The following ATRIP variants were observed in gnomAD, a reference collection of about 807,000 sequenced individuals.
The protein encoded by ATRIP is ATR interacting protein.
A neutral mutation model predicts 78.1 loss-of-function variants in ATRIP; 44 were observed. The observed-to-expected ratio is 0.56, with a 90% CI of 0.44 to 0.72. The LOEUF is 0.72. ATRIP is among the 30% of genes least tolerant of loss of function. The pLI, the probability that ATRIP is intolerant of heterozygous loss-of-function variation, is 0.00. For synonymous variants in ATRIP, 388 were observed against 408.9 expected (o/e 0.95, Z 0.62); for missense variants, 927 against 980.2 (o/e 0.95, Z 0.72).
Position 48,446,876 on chromosome 3 carries a change from A to C in ATRIP, c.31A>C (p.Arg11=). Residue 11 remains arginine (R), a synonymous_variant, in exon 1 of 13, where the codon AGG becomes CGG. Coordinates refer to ENST00000320211, the MANE Select transcript of ATRIP (RefSeq NM_130384.3). ...GGGGACCTCCGCGCCAGGCAGCAAG[A>C]GGCGGAGCGAGCCCCCGGCGCCTCG... MAGTSAPGSK[R]RSEPPAPRPG... 1.4e-6 allele frequency: 2 copies of C among 1,399,960 alleles called. No homozygotes were observed. The highest frequency in any genetic ancestry group is 9.3e-7 in the Non-Finnish European group (1 of 1,079,618). 86.7% of individuals were successfully genotyped at this position (1,399,960 alleles called of 1,614,324 possible).
intron 4 of ATRIP, among the ~76,000 whole-genome samples, chr3:48,455,080 C>G (rs1001736841): frequency 6.6e-6 from 1 of 152,162 alleles, no homozygotes. Context: ...CCAGGCTCGT[C>G]TCAAACTCCT....
chr3:48,465,950 A>G lies in ATRIP; in HGVS notation c.*396A>G, dbSNP rs1003727618. 1 of 287,124 alleles carries G rather than the reference A, an allele frequency of 3.5e-6. No homozygotes were observed. Among genetic ancestry groups the G allele is most frequent in the Non-Finnish European group, 6.8e-6 (1 of 146,296 alleles). The allele number at this position is 287,124 out of a possible 1,614,324, so 17.8% of individuals were successfully genotyped here. ...ACTGGGACCCACAGGTGGGCATGAAAGGGCCGCAGCAGGGGCTCCCAGCAG... is the reference window on the plus strand; with the variant it reads ...ACTGGGACCCACAGGTGGGCATGAAGGGGCCGCAGCAGGGGCTCCCAGCAG... On this transcript the variant is annotated 3_prime_UTR_variant, in exon 13 of 13. Coordinates refer to ENST00000320211, the MANE Select transcript of ATRIP (RefSeq NM_130384.3).
chr3:48,447,388 C>T, intron 1 of ATRIP: 1 of 1,078,310 alleles, frequency 9.3e-7, no homozygotes, highest in Non-Finnish European at 1.1e-6. Context: ...CCTTGGAACA[C>T]ACCTACCACC....
chr3:48,448,525 C>G (rs1490356000), intron 1 of ATRIP, among the ~76,000 whole-genome samples: 1 of 152,240 alleles, frequency 6.6e-6, no homozygotes, highest in East Asian at 1.9e-4. Flanking sequence ...CTTATTTCTT[C>G]TAGTGTGAAG....
At position 48,464,073 on chromosome 3, in the gene ATRIP, A is replaced by C; in HGVS notation, c.1915A>C (p.Ile639Leu). ...CCTCCTGCTGCTGCTGTACATGTAC[A>C]TCACATCACGGCCTGACAGAGTGGC... is the stretch of plus-strand genomic sequence containing the variant. ...GCLLLLLYMY[I>L]TSRPDRVALE... Residue 639 changes from isoleucine (I) to leucine (L), a missense_variant, in exon 10 of 13, where the codon ATC (isoleucine) becomes CTC (leucine). Coordinates refer to ENST00000320211, the MANE Select transcript of ATRIP (RefSeq NM_130384.3). 6.2e-7 allele frequency: 1 copy of C among 1,613,892 alleles called. No homozygotes were observed. Among genetic ancestry groups the C allele is most frequent in the Non-Finnish European group, 8.5e-7 (1 of 1,180,028 alleles).
Position 48,447,028 on chromosome 3 carries a change from GGAGCTTGAC to G in ATRIP, c.184_192del (p.Glu62_Asp64del). On this transcript the variant is annotated inframe_deletion, in exon 1 of 13. Coordinates refer to ENST00000320211, the MANE Select transcript of ATRIP (RefSeq NM_130384.3). ...GGGACTTCACTGCCGACGACCTGGA[GGAGCTTGAC>G]ACCCTCGCGTCACAGGCCCTGAGCC... 6.3e-7 allele frequency: 1 copy of G among 1,574,912 alleles called. No individual in the cohort carries two copies. Among genetic ancestry groups the G allele is most frequent in the African/African-American group, 1.4e-5 (1 of 71,576 alleles).
chr3:48,467,037 C>T lies in ATRIP; in HGVS notation c.*1483C>T, dbSNP rs199614534. On this transcript the variant is annotated 3_prime_UTR_variant, in exon 13 of 13. Coordinates refer to ENST00000320211, the MANE Select transcript of ATRIP (RefSeq NM_130384.3). ...GTGCCTGGTGGCACACAATGGTGAC[C>T]GCTACGACTTCCCCCTGCTCCAAGC... The T allele has an allele frequency of 1.7e-5, 28 of 1,613,960 alleles. No individual in the cohort carries two copies. Among genetic ancestry groups the T allele is most frequent in the Middle Eastern group, 1.6e-4 (1 of 6,062 alleles).
At chr3:48,464,154 C>G in intron 10 of ATRIP, 22 bp downstream of exon 10, 1 of 1,575,804 alleles carries the variant, frequency 6.3e-7, no homozygotes, top group Non-Finnish European at 8.7e-7. Context: ...AGAGCCCCTT[C>G]TGGACACTGT....
intron 3 of ATRIP, among the ~76,000 whole-genome samples, chr3:48,452,381 C>T (rs894403635): frequency 6.6e-6 from 1 of 152,116 alleles, no homozygotes; most frequent in South Asian, 2.1e-4. Context: ...TTTATAAATA[C>T]AGAGCAGAAT....
chr3:48,449,701 G>T (rs1396234949), intron 1 of ATRIP, among the ~76,000 whole-genome samples: 1 of 150,914 alleles, frequency 6.6e-6, no homozygotes, highest in Non-Finnish European at 1.5e-5. Flanking sequence ...GCTGAGGCGG[G>T]TGGATCGCGA....
intron 4 of ATRIP, among the ~76,000 whole-genome samples, chr3:48,454,876 T>TA (rs1431844882): frequency 6.6e-6 from 1 of 151,700 alleles, no homozygotes; most frequent in Non-Finnish European, 1.5e-5. Flanking sequence ...TTTTCTTTTT[T>TA]TTTTGAGACA....
rs927014785 is a variant in ATRIP at position 48,462,702 on chromosome 3, C to CA, written c.1746-1032dup. On this transcript the variant is annotated intron_variant, in intron 8 of 12. Transcript: ENST00000320211. ...TGGGTGACAGAGCGAGACTCAGTTT[C>CA]AAAAAAAAAAAGTTCTTAACGCTAT... Among the ~76,000 whole-genome samples, 30 of 143,610 alleles carry CA rather than the reference C, an allele frequency of 2.1e-4. No homozygotes were observed. In the South Asian group the frequency reaches 3.5e-3, roughly 17 times the overall value. The allele number at this position is 143,610 out of a possible 152,430, so 94.2% of individuals were successfully genotyped here. A position where few individuals can be genotyped will look rare whatever the true frequency, so the allele number is the denominator to read the frequency against.
intron 1 of ATRIP, among the ~76,000 whole-genome samples, chr3:48,448,393 TG>T (rs2039741419): frequency 6.6e-6 from 1 of 152,234 alleles, no homozygotes; most frequent in African/African-American, 2.4e-5. Context: ...TTGGCCAGGC[TG>T]GTCTCAAACT....
chr3:48,450,589 AT>A (rs756559976), intron 2 of ATRIP: 191,040 of 963,390 alleles, frequency 0.2, 79 homozygotes, highest in Non-Finnish European at 0.21. Flanking sequence ...TGTGACCCAG[AT>A]TTTTTTTTTT....
rs2039778680 is a variant in ATRIP, at chr3:48,449,534, C to T, written c.248-503C>T. Among the ~76,000 whole-genome samples, 5 of 151,594 alleles carry T rather than the reference C, an allele frequency of 3.3e-5. No individual in the cohort carries two copies. In the South Asian group the frequency reaches 1.0e-3, roughly 32 times the overall value. Reference sequence around the variant, plus strand: ...CTTTGCTCTCAAGAGTAATTCTTCCCAGCACTTTGGGAGGCAAAGGCAGGA... The same window carrying T: ...CTTTGCTCTCAAGAGTAATTCTTCCTAGCACTTTGGGAGGCAAAGGCAGGA... On this transcript the variant is annotated intron_variant, in intron 1 of 12. Coordinates refer to ENST00000320211, the MANE Select transcript of ATRIP (RefSeq NM_130384.3).
chr3:48,450,589 ATTTT>A (rs756559976), intron 2 of ATRIP: 1,305 of 980,006 alleles, frequency 1.3e-3, no homozygotes, highest in East Asian at 1.7e-3. Context: ...TGTGACCCAG[ATTTT>A]TTTTTTTTTT....
chr3:48,446,785 C>G lies in ATRIP; in HGVS notation c.-61C>G, dbSNP rs895892689. On this transcript the variant is annotated 5_prime_UTR_variant, in exon 1 of 13. Coordinates refer to ENST00000320211, the MANE Select transcript of ATRIP (RefSeq NM_130384.3). ...GCGCGCGGACGGTTGGTCCAGTTCT[C>G]CGGCCTGGCGGCAGGCAAGTCTAGC... 16 of 1,354,018 alleles carry G rather than the reference C, an allele frequency of 1.2e-5. No individual in the cohort carries two copies. The highest frequency in any genetic ancestry group is 1.5e-5 in the African/African-American group (1 of 66,110). The allele number at this position is 1,354,018 out of a possible 1,614,324, so 83.9% of individuals were successfully genotyped here.
rs201645015 is a variant in ATRIP at position 48,446,779 on chromosome 3, A to C, written c.-67A>C. Reference sequence around the variant, plus strand: ...GCGGCGGCGCGCGGACGGTTGGTCCAGTTCTCCGGCCTGGCGGCAGGCAAG... The same window carrying C: ...GCGGCGGCGCGCGGACGGTTGGTCCCGTTCTCCGGCCTGGCGGCAGGCAAG... On this transcript the variant is annotated 5_prime_UTR_variant, in exon 1 of 13. Transcript: ENST00000320211. 363 of 1,349,550 alleles carry C rather than the reference A, an allele frequency of 2.7e-4. No homozygotes were observed. The highest frequency in any genetic ancestry group is 3.3e-4 in the Non-Finnish European group (348 of 1,049,142). 83.6% of individuals were successfully genotyped at this position (1,349,550 alleles called of 1,614,324 possible).
intron 2 of ATRIP, chr3:48,450,576 G>T (rs752340543): frequency 5.7e-6 from 7 of 1,236,522 alleles, no homozygotes; most frequent in Middle Eastern, 2.2e-4. Context: ...GTTGTGCAAG[G>T]TATGTGACCC....
Sources: gnomAD v4.1 joint callset for allele counts (sites outside exome capture counted in the v4.1 genomes callset) on GRCh38, gnomAD v4.1.1 for gene constraint, MANE v1.5 for transcripts, NCBI Gene and HGNC (gene_info 2026-07-23, HGNC 2026-07-21) for gene names.